CANT1: variants seen among roughly 807,000 people sequenced by gnomAD.
The protein encoded by CANT1 is soluble calcium-activated nucleotidase 1.
A neutral mutation model predicts 30.0 loss-of-function variants in CANT1; 26 were observed. The observed-to-expected ratio is 0.87, with a 90% confidence interval of 0.64 to 1.20. The LOEUF is 1.20. CANT1 is among the 50% of genes most tolerant of loss of function. CANT1 has a pLI of 0.00. For missense variants in CANT1, 518 were observed against 563.0 expected (o/e 0.92, Z 0.81); for synonymous variants, 246 against 251.8 (o/e 0.98, Z 0.22).
At position 79,008,562 on chromosome 17, in the gene CANT1, A is replaced by G. The variant is rs4789847; in HGVS notation, c.-147+1102T>C. ...GGGCATACAACCTCAAGAATAAAAT[A>G]AGAAATGGAGCTGGGACACTAAGAG... On this transcript the variant is annotated intron_variant, in intron 1 of 4. Coordinates refer to ENST00000392446, the MANE Select transcript of CANT1 (RefSeq NM_001159773.2). This position sits in a 1 kb window ranked among gnomAD's most constrained non-coding sequence, Gnocchi z 4.4. Among the ~76,000 whole-genome samples the G allele has an allele frequency of 0.23, 34,967 of 152,140 alleles. 4,720 individuals are homozygous for G. The highest frequency in any genetic ancestry group is 0.63 in the East Asian group (3,234 of 5,142).
At chr17:79,007,171 A>G (rs539168760) in intron 1 of CANT1, among the ~76,000 whole-genome samples, 14 of 152,364 alleles carry the variant, frequency 9.2e-5, no homozygotes, top group Admixed American at 5.9e-4. Context: ...CGTCTCCCCA[A>G]ACAGACTTCT....
chr17:78,998,839 A>G lies in CANT1; in HGVS notation c.-146-876T>C, dbSNP rs938166309. ...ATAGCTCAGTGAATCCCGGCCTGAG[A>G]AGCTTCCCTGGCTGGGTCCTCCTTG... is the stretch of plus-strand genomic sequence containing the variant. On this transcript the variant is annotated intron_variant, in intron 1 of 4. Coordinates refer to ENST00000392446, the MANE Select transcript of CANT1 (RefSeq NM_001159773.2). The surrounding 1 kb of genome is among the most constrained non-coding windows in gnomAD (Gnocchi z 4.5). Among the ~76,000 whole-genome samples, 3 of 152,172 alleles carry G rather than the reference A, an allele frequency of 2.0e-5. No homozygotes were observed. Among genetic ancestry groups the G allele is most frequent in the African/African-American group, 4.8e-5 (2 of 41,448 alleles).
intron 1 of CANT1, among the ~76,000 whole-genome samples, chr17:79,007,694 C>T (rs1461923676): frequency 6.6e-6 from 1 of 152,212 alleles, no homozygotes; most frequent in Non-Finnish European, 1.5e-5. Flanking sequence ...TACTCTGCAG[C>T]TCAGGGGGGT....
chr17:79,003,722 C>A (rs1485306506), intron 1 of CANT1, among the ~76,000 whole-genome samples: 1 of 151,894 alleles, frequency 6.6e-6, no homozygotes, highest in Admixed American at 6.6e-5. Flanking sequence ...CTGTGGCCAG[C>A]CAGGCTCTCC....
rs555013375 is a variant in CANT1 at position 78,996,698 on chromosome 17, C to T, written c.631+294G>A. 8.0e-4 allele frequency among the ~76,000 whole-genome samples: 122 copies of T among 152,280 alleles called. No individual in the cohort carries two copies. The highest frequency in any genetic ancestry group is 2.6e-3 in the African/African-American group (109 of 41,560). On this transcript the variant is annotated intron_variant, in intron 3 of 4. Coordinates refer to ENST00000392446, the MANE Select transcript of CANT1 (RefSeq NM_001159773.2). This position sits in a 1 kb window ranked among gnomAD's most constrained non-coding sequence, Gnocchi z 5.1. ...AAAAAGGGCGTGTTCCCAGAGGCTC[C>T]GAGAGCAGCAGCGGATACAGCCGAA...
intron 1 of CANT1, among the ~76,000 whole-genome samples, chr17:79,009,162 G>A (rs945965861): frequency 2.0e-5 from 3 of 148,322 alleles, no homozygotes; most frequent in South Asian, 4.4e-4. Context: ...TGCCCCACAT[G>A]AATCAGAGGG....
chr17:78,991,987 C>T lies in CANT1; in HGVS notation c.*1563G>A. The T allele has an allele frequency of 4.3e-6, 1 of 231,774 alleles. No homozygotes were observed. The highest frequency in any genetic ancestry group is 8.5e-6 in the Non-Finnish European group (1 of 117,132). 14.4% of individuals were successfully genotyped at this position (231,774 alleles called of 1,614,324 possible). A position where few individuals can be genotyped will look rare whatever the true frequency, so the allele number is the denominator to read the frequency against. ...GCATCTCTATTTTAAATGACCCAGCCTGGACATCAAGGACAATGATCTAGG... is the reference window on the plus strand; with the variant it reads ...GCATCTCTATTTTAAATGACCCAGCTTGGACATCAAGGACAATGATCTAGG... On this transcript the variant is annotated 3_prime_UTR_variant, in exon 5 of 5. Coordinates refer to ENST00000392446, the MANE Select transcript of CANT1 (RefSeq NM_001159773.2).
Position 78,993,709 on chromosome 17 carries a change from G to A in CANT1, c.1047C>T (p.Phe349=). ...VPTHGFSSFK[F]IPNTDDQIIV... The stretch of plus-strand genomic sequence containing the variant: ...TGATCTGGTCGTCGGTGTTGGGGAT[G>A]AACTTGAAGGACGAGAAGCCGTGAG... The change falls in exon 5 of 5, where the codon TTC becomes TTT. Residue 349 remains phenylalanine, a synonymous_variant. Transcript: ENST00000392446. This position sits in a 1 kb window ranked among gnomAD's most constrained non-coding sequence, Gnocchi z 4.5. 6.2e-7 allele frequency: 1 copy of A among 1,614,194 alleles called. No individual in the cohort carries two copies. Among genetic ancestry groups the A allele is most frequent in the Non-Finnish European group, 8.5e-7 (1 of 1,180,046 alleles).
chr17:79,007,989 A>G (rs944984314), intron 1 of CANT1: 1 of 152,100 alleles, frequency 6.6e-6, no homozygotes, highest in African/African-American at 2.4e-5. Context: ...GGACATGAAA[A>G]AGTGACACTA....
rs1054425181 is a variant in CANT1, at chr17:78,997,595, C to T, written c.28G>A (p.Glu10Lys). 2.6e-6 allele frequency: 4 copies of T among 1,565,242 alleles called. No individual in the cohort carries two copies. In the African/African-American group the frequency reaches 4.1e-5, roughly 16 times the overall value. Residue 10 changes from glutamate to lysine, a missense_variant, in exon 3 of 5, where the codon GAA (glutamate) becomes AAA (lysine). Glu to Lys is a moderately conservative substitution (Grantham distance 56). Around this residue, in one of 3 missense-constraint regions of CANT1, gnomAD observed 249 missense variants for 268.8 expected, o/e 0.93. Transcript: ENST00000392446. The surrounding 1 kb of genome is among the most constrained non-coding windows in gnomAD (Gnocchi z 7.5). ...AGGGAGTGCATAGACTCATTCCATT[C>T]CGGGTGCTCAGACAGCTGCACGGGC... The part of the protein sequence containing the change: MPVQLSEHP[E>K]WNESMHSLRI...
Position 78,998,935 on chromosome 17 carries a change from A to T in CANT1, c.-146-972T>A, listed in dbSNP as rs947077531. On this transcript the variant is annotated intron_variant, in intron 1 of 4. Coordinates refer to ENST00000392446, the MANE Select transcript of CANT1 (RefSeq NM_001159773.2). The surrounding 1 kb of genome is among the most constrained non-coding windows in gnomAD (Gnocchi z 4.5). ...GTCCTCCCTGCCAGGGCGCCTGGGA[A>T]GGGCTTGGGGACTCCAGTGGCTCCG... Among the ~76,000 whole-genome samples, 1 of 152,158 alleles carries T rather than the reference A, an allele frequency of 6.6e-6. No homozygotes were observed. Among genetic ancestry groups the T allele is most frequent in the African/African-American group, 2.4e-5 (1 of 41,444 alleles).
rs2071030150 is a variant in CANT1 at position 78,996,218 on chromosome 17, C to T, written c.631+774G>A. Among the ~76,000 whole-genome samples the T allele has an allele frequency of 6.6e-6, 1 of 152,158 alleles. No individual in the cohort carries two copies. The highest frequency in any genetic ancestry group is 2.4e-5 in the African/African-American group (1 of 41,442). ...CCTGGCCGGCCATGAACTGTGTGGG[C>T]CGTTGTTTAGTGCAGTTCCTCCTTG... On this transcript the variant is annotated intron_variant, in intron 3 of 4. Coordinates refer to ENST00000392446, the MANE Select transcript of CANT1 (RefSeq NM_001159773.2). This position sits in a 1 kb window ranked among gnomAD's most constrained non-coding sequence, Gnocchi z 5.1.
intron 1 of CANT1, among the ~76,000 whole-genome samples, chr17:79,009,197 C>T (rs750358122): frequency 4.3e-5 from 6 of 138,860 alleles, no homozygotes; most frequent in Middle Eastern, 7.9e-3. Context: ...CTAATCAGAG[C>T]GGGGAGGTGC....
At chr17:79,006,493 T>A (rs1451504597) in intron 1 of CANT1, among the ~76,000 whole-genome samples, 2 of 152,170 alleles carry the variant, frequency 1.3e-5, no homozygotes, top group African/African-American at 4.8e-5. Context: ...GAGCTGTTCC[T>A]CCACCAATCA....
Position 78,992,446 on chromosome 17 carries a change from T to G in CANT1, c.*1104A>C. On this transcript the variant is annotated 3_prime_UTR_variant, in exon 5 of 5. Coordinates refer to ENST00000392446, the MANE Select transcript of CANT1 (RefSeq NM_001159773.2). ...ATCCCACTCTGCCTTCACCCTGGAG[T>G]ACACTCCAGCGAAGCCGAGGCCCAG... is the stretch of plus-strand genomic sequence containing the variant. 2 of 351,744 alleles carry G rather than the reference T, an allele frequency of 5.7e-6. No individual in the cohort carries two copies. The highest frequency in any genetic ancestry group is 4.6e-5 in the East Asian group (1 of 21,598). The allele number at this position is 351,744 out of a possible 1,614,324, so 21.8% of individuals were successfully genotyped here.
At chr17:79,006,131 A>G (rs969375318) in intron 1 of CANT1, 2 of 152,358 alleles carry the variant, frequency 1.3e-5, no homozygotes, top group Non-Finnish European at 2.9e-5. Context: ...AGTATCCAGC[A>G]CACGGCAGGC....
chr17:79,001,981 G>A (rs905845184), intron 1 of CANT1, among the ~76,000 whole-genome samples: 7 of 150,002 alleles, frequency 4.7e-5, no homozygotes, highest in African/African-American at 1.2e-4. Flanking sequence ...CCAGCCCCAC[G>A]TGTCCCACCC....
At chr17:79,001,112 G>A (rs949114678) in intron 1 of CANT1, among the ~76,000 whole-genome samples, 5 of 152,184 alleles carry the variant, frequency 3.3e-5, no homozygotes, top group African/African-American at 9.7e-5. Flanking sequence ...CTGCAGGCCC[G>A]GGAAGACGGT....
At chr17:78,994,964 C>T (rs1162435110) in intron 4 of CANT1, 54 bp downstream of exon 4, 20 of 1,523,612 alleles carry the variant, frequency 1.3e-5, no homozygotes, top group East Asian at 2.4e-5. Flanking sequence ...GAAGCAGGTT[C>T]CCAGCGACTG....
Sources: allele counts gnomAD v4.1 joint callset (sites outside exome capture counted in the v4.1 genomes callset), GRCh38; gene constraint gnomAD v4.1.1; regional missense constraint gnomAD v4.1.1; non-coding constraint Gnocchi (gnomAD v3.1); transcripts MANE v1.5; gene names NCBI Gene and HGNC (gene_info 2026-07-23, HGNC 2026-07-21).